Variants in GPC5 observed in about 807,000 individuals in gnomAD.
GPC5 encodes the protein glypican-5.
Under a neutral mutation model 53.9 loss-of-function variants are expected in GPC5, and 47 were observed. The observed-to-expected ratio is 0.87, with a 90% CI of 0.69 to 1.11. The LOEUF (loss-of-function observed/expected upper bound fraction) is 1.11. Ranked by LOEUF, GPC5 falls within the 50% of genes most tolerant of loss-of-function variation. GPC5 has a pLI of 0.00. For missense variants in GPC5, 748 were observed against 713.1 expected (o/e 1.05, Z -0.56); for synonymous variants, 286 against 263.3 (o/e 1.09, Z -0.84).
At chr13:92,632,550 A>T (rs138235616) in intron 7 of GPC5, among the ~76,000 whole-genome samples, 1 of 150,794 alleles carries the variant, frequency 6.6e-6, no homozygotes. Context: ...TAGTTTATAT[A>T]TTCCAATTCT....
intron 7 of GPC5, among the ~76,000 whole-genome samples, chr13:92,440,523 C>T (rs564085180): frequency 2.0e-4 from 30 of 152,242 alleles, no homozygotes; most frequent in African/African-American, 7.2e-4. Context: ...TAAGTAGATT[C>T]CCTGTCTTTG....
intron 5 of GPC5, among the ~76,000 whole-genome samples, chr13:91,793,935 A>G (rs1195387818): frequency 6.6e-6 from 1 of 152,044 alleles, no homozygotes; most frequent in African/African-American, 2.4e-5. Flanking sequence ...TCGAGATGAG[A>G]TTTGGGTGGT....
chr13:91,528,392 A>C (rs114681488), intron 2 of GPC5, among the ~76,000 whole-genome samples: 1 of 152,200 alleles, frequency 6.6e-6, no homozygotes, highest in African/African-American at 2.4e-5. Flanking sequence ...TCTTTTTGCT[A>C]AGGCATAGCA....
chr13:92,666,487 C>T (rs945768407), intron 7 of GPC5, among the ~76,000 whole-genome samples: 4 of 151,016 alleles, frequency 2.6e-5, no homozygotes, highest in Admixed American at 6.6e-5. Flanking sequence ...TAAAAAAATG[C>T]TATCAATAAT....
At chr13:91,429,714 C>T (rs553472776) in intron 1 of GPC5, among the ~76,000 whole-genome samples, 1 of 152,264 alleles carries the variant, frequency 6.6e-6, no homozygotes, top group African/African-American at 2.4e-5. Context: ...GTCAGTGGCT[C>T]TCAATATTCA....
chr13:92,112,580 C>T (rs2041566021), intron 6 of GPC5, among the ~76,000 whole-genome samples: 1 of 152,008 alleles, frequency 6.6e-6, no homozygotes, highest in African/African-American at 2.4e-5. Context: ...TTCAGTCAAG[C>T]TACAAGAGAA....
intron 7 of GPC5, among the ~76,000 whole-genome samples, chr13:92,401,530 A>G (rs1875560613): frequency 6.6e-6 from 1 of 152,144 alleles, no homozygotes; most frequent in Non-Finnish European, 1.5e-5. Context: ...GTAAAAATAG[A>G]AAAATTTGAA....
At chr13:92,537,818 G>C (rs144916209) in intron 7 of GPC5, among the ~76,000 whole-genome samples, 3 of 152,052 alleles carry the variant, frequency 2.0e-5, no homozygotes, top group Non-Finnish European at 4.4e-5. Flanking sequence ...TGAGGAAGGC[G>C]TTTTATAAAT....
chr13:92,349,213 G>C (rs9589519), intron 7 of GPC5, among the ~76,000 whole-genome samples: 8 of 152,156 alleles, frequency 5.3e-5, no homozygotes, highest in Admixed American at 4.6e-4. Context: ...GCACGATCTC[G>C]GCTCACTGCA....
intron 7 of GPC5, among the ~76,000 whole-genome samples, chr13:92,224,260 TCTC>T (rs1241969980): frequency 6.6e-6 from 1 of 152,142 alleles, no homozygotes; most frequent in African/African-American, 2.4e-5. Flanking sequence ...ACCTCTCTCT[TCTC>T]CTTAGAACAA....
intron 2 of GPC5, among the ~76,000 whole-genome samples, chr13:91,600,340 A>T (rs1306707092): frequency 7.1e-5 from 3 of 42,544 alleles, no homozygotes; most frequent in African/African-American, 2.0e-4. Flanking sequence ...AGAGAGAGAG[A>T]GAGAGAGAGT....
intron 7 of GPC5, among the ~76,000 whole-genome samples, chr13:92,513,717 T>C (rs536142241): frequency 2.3e-4 from 35 of 152,232 alleles, no homozygotes; most frequent in African/African-American, 8.2e-4. Flanking sequence ...TGTGTGCATA[T>C]GCATAAAGAG....
chr13:92,087,227 ATG>A (rs1469660902), intron 6 of GPC5, among the ~76,000 whole-genome samples: 1 of 152,174 alleles, frequency 6.6e-6, no homozygotes, highest in East Asian at 1.9e-4. Flanking sequence ...TGTATCAGCA[ATG>A]TGTCTCAGAG....
At chr13:92,831,724 A>G (rs772362052) in intron 7 of GPC5, among the ~76,000 whole-genome samples, 1 of 152,212 alleles carries the variant, frequency 6.6e-6, no homozygotes. Context: ...AGGAGCTCCA[A>G]TAATGTTATC....
chr13:92,276,311 C>A lies in GPC5; in HGVS notation c.1561+131322C>A, dbSNP rs750389985. Among the ~76,000 whole-genome samples, 5 of 152,228 alleles carry A rather than the reference C, an allele frequency of 3.3e-5. No homozygotes were observed. In the East Asian group the frequency reaches 5.8e-4, roughly 18 times the overall value. On this transcript the variant is annotated intron_variant, in intron 7 of 7. Transcript: ENST00000377067. ...GCAATAATTTGTGATCCACAGTGCA[C>A]CTAATCTTTCTGATTTTCTCAGAAT...
intron 7 of GPC5, among the ~76,000 whole-genome samples, chr13:92,576,634 A>G (rs759815506): frequency 2.4e-4 from 36 of 152,208 alleles, no homozygotes; most frequent in Non-Finnish European, 3.8e-4. Flanking sequence ...AATATAATTT[A>G]ATGAATCCCT....
intron 4 of GPC5, among the ~76,000 whole-genome samples, chr13:91,733,607 A>G (rs1594496443): frequency 6.6e-6 from 1 of 152,274 alleles, no homozygotes; most frequent in Non-Finnish European, 1.5e-5. Flanking sequence ...ATGGGATTTC[A>G]TTCATGATTT....
At chr13:91,463,390 A>T (rs957069058) in intron 2 of GPC5, among the ~76,000 whole-genome samples, 2 of 152,238 alleles carry the variant, frequency 1.3e-5, no homozygotes, top group Admixed American at 1.3e-4. Context: ...TGTATATTGG[A>T]AAATTTTTAA....
At chr13:92,787,867 A>ACCCTGTCT (rs1876311914) in intron 7 of GPC5, among the ~76,000 whole-genome samples, 1 of 137,844 alleles carries the variant, frequency 7.3e-6, no homozygotes, top group Non-Finnish European at 1.6e-5. Context: ...ACAAAGTAAG[A>ACCCTGTCT]CCCTGTCTCA....
Sources: gnomAD v4.1 joint callset for allele counts (sites outside exome capture counted in the v4.1 genomes callset) on GRCh38, gnomAD v4.1.1 for gene constraint, MANE v1.5 for transcripts, NCBI Gene and HGNC (gene_info 2026-07-23, HGNC 2026-07-21) for gene names.